MZT2A: variants seen among roughly 807,000 people sequenced by gnomAD.
MZT2A encodes the protein mitotic spindle organizing protein 2A, also known as mitotic-spindle organizing protein 2A.
A neutral mutation model predicts 12.4 loss-of-function variants in MZT2A; 8 were observed. The ratio of observed to expected loss-of-function variants is 0.64; its 90% CI spans 0.38 to 1.16. The LOEUF (loss-of-function observed/expected upper bound fraction) is 1.16. Ranked by LOEUF, MZT2A falls within the 50% of genes most tolerant of loss-of-function variation. The probability of loss-of-function intolerance (pLI) is 0.01; values close to 1 mark genes in which losing one functional copy is unlikely to be tolerated. For missense variants in MZT2A, 181 were observed against 223.6 expected (o/e 0.81, Z 1.22); for synonymous variants, 88 against 107.5 (o/e 0.82, Z 1.12).
chr2:131,478,235 C>A, intron 2 of MZT2A: 1 of 1,614,104 alleles, frequency 6.2e-7, no homozygotes, highest in Non-Finnish European at 8.5e-7. Flanking sequence ...AACTGTACTG[C>A]CTTGAACATG....
chr2:131,479,187 T>C (rs1350960317), downstream of MZT2A: 1 of 1,430,708 alleles, frequency 7.0e-7, no homozygotes, highest in African/African-American at 1.4e-5. Flanking sequence ...TGTTGACCTA[T>C]GACATGTAGG....
intron 2 of MZT2A, 132 bp downstream of exon 2, chr2:131,491,744 G>A (rs1253996850): frequency 6.4e-6 from 8 of 1,259,084 alleles, no homozygotes; most frequent in Non-Finnish European, 8.5e-6. Flanking sequence ...GATGGGCCCT[G>A]CAGGTGCTGG....
At chr2:131,488,320 C>T (rs1173137917) in intron 2 of MZT2A, among the ~76,000 whole-genome samples, 7 of 152,312 alleles carry the variant, frequency 4.6e-5, no homozygotes, top group Admixed American at 2.6e-4. Context: ...ACCCTCTGTG[C>T]TTCTGGGGTT....
At chr2:131,477,871 T>C (rs757395046) in intron 2 of MZT2A, among the ~76,000 whole-genome samples, 10 of 152,170 alleles carry the variant, frequency 6.6e-5, no homozygotes, top group African/African-American at 1.4e-4. Context: ...CGGGCTATAA[T>C]GTGGGGTTGA....
intron 2 of MZT2A, chr2:131,490,367 C>A (rs13390533): frequency 1.8e-6 from 2 of 1,088,680 alleles, no homozygotes; most frequent in Admixed American, 8.9e-5. Flanking sequence ...GAGGCCGAGG[C>A]GTTTGTCACG....
chr2:131,488,990 T>C (rs1190264920), intron 2 of MZT2A, among the ~76,000 whole-genome samples: 6 of 144,286 alleles, frequency 4.2e-5, no homozygotes, highest in Non-Finnish European at 9.0e-5. Flanking sequence ...ACATACATCT[T>C]GACTGTGCCC....
At chr2:131,479,486 T>G (rs7424438), downstream of MZT2A, 104,395 of 1,500,604 alleles carry the variant, frequency 0.07, 11,571 homozygotes, top group African/African-American at 0.41. Flanking sequence ...TGTGGCCATT[T>G]TCTTGCATGG....
chr2:131,485,286 TCC>T (rs1278931240), intron 2 of MZT2A, among the ~76,000 whole-genome samples: 1 of 152,132 alleles, frequency 6.6e-6, no homozygotes, highest in African/African-American at 2.4e-5. Flanking sequence ...AGCTACATGT[TCC>T]CCCTGCAGGC....
intron 2 of MZT2A, among the ~76,000 whole-genome samples, chr2:131,477,022 CCTTT>C (rs1382938208): frequency 2.2e-5 from 3 of 136,156 alleles, no homozygotes; most frequent in Non-Finnish European, 4.6e-5. Context: ...TCCTTTTTTT[CCTTT>C]CTTTTTCTTT....
At chr2:131,472,103 G>T (rs1204784100) in exon 3 of MZT2A, 5 of 1,290,588 alleles carry the variant, frequency 3.9e-6, no homozygotes, top group Non-Finnish European at 4.0e-6. Flanking sequence ...CACACCATGC[G>T]GTGCTGCTTC....
downstream of MZT2A, among the ~76,000 whole-genome samples, chr2:131,479,771 C>T (rs397833169): frequency 2.6e-5 from 4 of 152,020 alleles, no homozygotes; most frequent in East Asian, 1.9e-4. Flanking sequence ...ACCCGGAAGG[C>T]GGAGGTTGCA....
chr2:131,472,912 T>TCCTC (rs1678496747), intron 2 of MZT2A, among the ~76,000 whole-genome samples: 1 of 149,318 alleles, frequency 6.7e-6, no homozygotes, highest in African/African-American at 2.5e-5. Context: ...CTGAATGGTG[T>TCCTC]CCCCCCCCAC....
intron 2 of MZT2A, among the ~76,000 whole-genome samples, chr2:131,473,458 C>T (rs936095938): frequency 2.0e-5 from 3 of 149,692 alleles, no homozygotes; most frequent in African/African-American, 5.1e-5. Flanking sequence ...GCTCTCCTCT[C>T]AGGAGGGAAA....
chr2:131,487,803 C>T (rs1248672270), intron 2 of MZT2A, among the ~76,000 whole-genome samples: 6 of 152,212 alleles, frequency 3.9e-5, no homozygotes, highest in Non-Finnish European at 8.8e-5. Flanking sequence ...GTCTCACTCT[C>T]TCACCCAGGC....
At chr2:131,491,754 G>A in intron 2 of MZT2A, 122 bp downstream of exon 2, 1 of 1,382,848 alleles carries the variant, frequency 7.2e-7, no homozygotes, top group Non-Finnish European at 9.6e-7. Flanking sequence ...GCAGGTGCTG[G>A]GCCTAGACCG....
intron 2 of MZT2A, chr2:131,490,873 G>A: frequency 6.5e-7 from 1 of 1,550,058 alleles, no homozygotes; most frequent in Non-Finnish European, 8.7e-7. Context: ...TACTGTTCCT[G>A]GCAGAGAGAA....
rs561723936 is a variant in MZT2A, at chr2:131,475,230, C to T, written c.279-3048G>A. ...TCCTGACCTGAAGCAGTCCTCCTGCCATGGCCTCCCAAAGCATTGGAATTA... is the reference window on the plus strand; with the variant it reads ...TCCTGACCTGAAGCAGTCCTCCTGCTATGGCCTCCCAAAGCATTGGAATTA... On this transcript the variant is annotated intron_variant and NMD_transcript_variant, in intron 2 of 4. Coordinates refer to the MZT2A transcript ENST00000427024. Among the ~76,000 whole-genome samples the T allele has an allele frequency of 3.2e-3, 492 of 152,046 alleles. 2 individuals carry two copies. Among genetic ancestry groups the T allele is most frequent in the African/African-American group, 0.012 (478 of 41,490 alleles).
chr2:131,482,674 T>C, downstream of MZT2A: 1 of 1,614,106 alleles, frequency 6.2e-7, no homozygotes, highest in Non-Finnish European at 8.5e-7. Context: ...GCCTGGACCA[T>C]AAGTTCGATC....
intron 2 of MZT2A, chr2:131,478,518 G>A (rs1678748068): frequency 7.2e-7 from 1 of 1,391,112 alleles, no homozygotes; most frequent in South Asian, 1.5e-5. Flanking sequence ...GGCATTGTTA[G>A]GAGAGAAACT....
Sources: allele counts gnomAD v4.1 joint callset (sites outside exome capture counted in the v4.1 genomes callset), GRCh38; gene constraint gnomAD v4.1.1; transcripts MANE v1.5; gene names NCBI Gene and HGNC (gene_info 2026-07-23, HGNC 2026-07-21).